The following PNPLA3 variants were observed in gnomAD, a reference collection of about 807,000 sequenced individuals.
PNPLA3 encodes 1-acylglycerol-3-phosphate O-acyltransferase PNPLA3.
A neutral mutation model predicts 43.1 loss-of-function variants in PNPLA3; 42 were observed. That is an observed-to-expected ratio of 0.97 (90% CI 0.76 to 1.26). The LOEUF (loss-of-function observed/expected upper bound fraction) is 1.26. Ranked by LOEUF, PNPLA3 falls within the 50% of genes most tolerant of loss-of-function variation. The pLI is 0.00. For synonymous variants in PNPLA3, 272 were observed against 253.6 expected, an observed-to-expected ratio of 1.07 and a Z score of -0.69; for missense variants, 647 against 621.4, an observed-to-expected ratio of 1.04 and a Z score of -0.44.
At chr22:43,937,357 G>A in intron 6 of PNPLA3, 85 bp downstream of exon 6, 4 of 1,298,938 alleles carry the variant, frequency 3.1e-6, no homozygotes, top group Non-Finnish European at 4.3e-6. Context: ...CCACATGGGA[G>A]CGATAGGGTG....
In PNPLA3 at chr22:43,933,102, A is replaced by AG. The variant is rs1047529043; in HGVS notation, c.696+20dup. 5.6e-6 allele frequency: 9 copies of AG among 1,609,778 alleles called. No individual in the cohort carries two copies. Among genetic ancestry groups the AG allele is most frequent in the Non-Finnish European group, 7.6e-6 (9 of 1,177,250 alleles). On this transcript the variant is annotated intron_variant, in intron 4 of 8. Coordinates refer to ENST00000216180, the MANE Select transcript of PNPLA3 (RefSeq NM_025225.3). ...CGGATCTCAAGGTGAGTTGGTGGTG[A>AG]GGGGGCAGGTGTTCTGGGGTGCAGC...
At chr22:43,931,182 A>T (rs187104441) in intron 3 of PNPLA3, among the ~76,000 whole-genome samples, 1 of 152,242 alleles carries the variant, frequency 6.6e-6, no homozygotes, top group African/African-American at 2.4e-5. Context: ...CTGGCATCTG[A>T]TGTATAGAGG....
At chr22:43,937,781 C>T (rs1355925561) in intron 6 of PNPLA3, among the ~76,000 whole-genome samples, 1 of 152,168 alleles carries the variant, frequency 6.6e-6, no homozygotes, top group Admixed American at 6.5e-5. Flanking sequence ...CCCCTAAACC[C>T]ACAATTTTGA....
At chr22:43,944,134 T>G (rs2050048373) in intron 7 of PNPLA3, among the ~76,000 whole-genome samples, 1 of 152,106 alleles carries the variant, frequency 6.6e-6, no homozygotes, top group Admixed American at 6.5e-5. Flanking sequence ...CCGGCTCCTT[T>G]CTCTCCCTCG....
chr22:43,938,509 G>A (rs561659234), intron 6 of PNPLA3, among the ~76,000 whole-genome samples: 18 of 152,308 alleles, frequency 1.2e-4, no homozygotes, highest in African/African-American at 4.1e-4. Flanking sequence ...TGAACGGGAA[G>A]CATGCACATC....
At chr22:43,929,462 C>A (rs186859096) in intron 3 of PNPLA3, among the ~76,000 whole-genome samples, 22 of 137,216 alleles carry the variant, frequency 1.6e-4, no homozygotes, top group Admixed American at 3.1e-4. Context: ...GGTGACAGAG[C>A]GAGACTCTAT....
chr22:43,941,162 A>AAG (rs1218033545), intron 7 of PNPLA3, among the ~76,000 whole-genome samples: 6 of 151,872 alleles, frequency 4.0e-5, no homozygotes, highest in African/African-American at 1.2e-4. Flanking sequence ...AAAAAAAAAA[A>AAG]AAAAAAATCA....
At chr22:43,929,152 A>G (rs1820318236) in intron 3 of PNPLA3, among the ~76,000 whole-genome samples, 1 of 152,190 alleles carries the variant, frequency 6.6e-6, no homozygotes, top group Non-Finnish European at 1.5e-5. Flanking sequence ...CACCTTAAGC[A>G]TCAGATAGCT....
At chr22:43,928,588 G>A (rs2049940431) in intron 2 of PNPLA3, among the ~76,000 whole-genome samples, 1 of 151,652 alleles carries the variant, frequency 6.6e-6, no homozygotes, top group Non-Finnish European at 1.5e-5. Context: ...GCAAGGAGAG[G>A]AAGTTGAAGT....
chr22:43,925,243 A>C (rs532189704), intron 1 of PNPLA3, among the ~76,000 whole-genome samples: 11 of 152,020 alleles, frequency 7.2e-5, no homozygotes, highest in Admixed American at 7.2e-4. Context: ...GTACATTTGA[A>C]TCTTGTCCTA....
At chr22:43,941,001 T>C (rs937221577) in intron 7 of PNPLA3, among the ~76,000 whole-genome samples, 1 of 151,608 alleles carries the variant, frequency 6.6e-6, no homozygotes, top group Admixed American at 6.6e-5. Context: ...TAGCTGGGCA[T>C]GGTGGTGCAT....
At chr22:43,945,469 T>C (rs1214264511) in intron 8 of PNPLA3, among the ~76,000 whole-genome samples, 1 of 152,182 alleles carries the variant, frequency 6.6e-6, no homozygotes, top group East Asian at 1.9e-4. Flanking sequence ...CTAACAGGGG[T>C]GATCCCCATC....
At chr22:43,935,623 A>C (rs1163261740) in intron 5 of PNPLA3, among the ~76,000 whole-genome samples, 1 of 151,456 alleles carries the variant, frequency 6.6e-6, no homozygotes, top group African/African-American at 2.4e-5. Context: ...CGAGGCCTGT[A>C]GGACACAGAC....
In PNPLA3 at chr22:43,934,216, C is replaced by T. The variant is rs914421082; in HGVS notation, c.697-390C>T. 2.0e-5 allele frequency among the ~76,000 whole-genome samples: 3 copies of T among 150,634 alleles called. No homozygotes were observed. In the East Asian group the frequency reaches 5.9e-4, roughly 29 times the overall value. ...CCTGTAATCCCAGCTACTAGGGAGG[C>T]TGAGGCAGGAAAATGGCTTGAACCT... On this transcript the variant is annotated intron_variant, in intron 4 of 8. Coordinates refer to ENST00000216180, the MANE Select transcript of PNPLA3 (RefSeq NM_025225.3).
chr22:43,930,638 T>C (rs1222019768), intron 3 of PNPLA3, among the ~76,000 whole-genome samples: 2 of 152,304 alleles, frequency 1.3e-5, no homozygotes, highest in Non-Finnish European at 2.9e-5. Context: ...TTTCAGCCCA[T>C]AGCTTTGTTC....
At chr22:43,938,836 G>A (rs2050012888) in intron 6 of PNPLA3, among the ~76,000 whole-genome samples, 2 of 152,228 alleles carry the variant, frequency 1.3e-5, no homozygotes, top group South Asian at 4.1e-4. Flanking sequence ...TCCAGCAGAG[G>A]GTCAAGGACC....
chr22:43,942,487 A>T (rs997105199), intron 7 of PNPLA3, among the ~76,000 whole-genome samples: 1 of 152,140 alleles, frequency 6.6e-6, no homozygotes, highest in Non-Finnish European at 1.5e-5. Context: ...AGACAGTCAC[A>T]TTCTCACTTC....
chr22:43,934,868 C>T (rs1164633306), intron 5 of PNPLA3, among the ~76,000 whole-genome samples: 6 of 151,998 alleles, frequency 3.9e-5, no homozygotes, highest in Non-Finnish European at 8.8e-5. Flanking sequence ...GAAAGGAGAG[C>T]CAAGCAGCAC....
At chr22:43,942,143 C>T (rs1166085403) in intron 7 of PNPLA3, among the ~76,000 whole-genome samples, 1 of 152,168 alleles carries the variant, frequency 6.6e-6, no homozygotes, top group African/African-American at 2.4e-5. Flanking sequence ...TCTGGTCTTG[C>T]CATTTGTCCC....
Sources: allele counts gnomAD v4.1 joint callset (sites outside exome capture counted in the v4.1 genomes callset), GRCh38; gene constraint gnomAD v4.1.1; transcripts MANE v1.5; gene names NCBI Gene and HGNC (gene_info 2026-07-23, HGNC 2026-07-21).